The following EYS variants were observed in gnomAD, a reference collection of about 807,000 sequenced individuals.
EYS encodes the protein EGF-like photoreceptor maintenance factor.
In EYS, 250 loss-of-function variants were observed where a neutral mutation model predicts 282.1. That is an observed-to-expected ratio of 0.89 (90% CI 0.80 to 0.98). EYS has a LOEUF of 0.98. Ranked by LOEUF, EYS falls within the 50% of genes least tolerant of loss-of-function variation. The probability of loss-of-function intolerance (pLI) is 0.00; values close to 1 mark genes in which losing one functional copy is unlikely to be tolerated. For synonymous variants in EYS, 1,355 were observed against 1,282.9 expected, an observed-to-expected ratio of 1.06 and a Z score of -1.20; for missense variants, 4,016 against 3,709.0, an observed-to-expected ratio of 1.08 and a Z score of -2.15.
chr6:64,964,279 TACCATC>T (rs1044603852), intron 14 of EYS, among the ~76,000 whole-genome samples: 5 of 152,150 alleles, frequency 3.3e-5, no homozygotes, highest in Non-Finnish European at 7.4e-5. Flanking sequence ...AATCACTTTT[TACCATC>T]TGTCTGACTT....
rs186555144 is a variant in EYS, at chr6:65,419,763, A to C, written c.863-14396T>G. Among the ~76,000 whole-genome samples, 258 of 152,056 alleles carry C rather than the reference A, an allele frequency of 1.7e-3. 2 individuals are homozygous for C. Among genetic ancestry groups the C allele is most frequent in the African/African-American group, 6.0e-3 (248 of 41,524 alleles). On this transcript the variant is annotated intron_variant, in intron 5 of 42. Coordinates refer to ENST00000503581, the MANE Select transcript of EYS (RefSeq NM_001142800.2). The stretch of plus-strand genomic sequence containing the variant: ...TTTATACTAAGTTTTTGAAAACCAA[A>C]GTGGTAAAGTGCATACAGGCATATC...
chr6:65,617,211 TG>T (rs1200427958), intron 2 of EYS, among the ~76,000 whole-genome samples: 1 of 152,128 alleles, frequency 6.6e-6, no homozygotes, highest in Non-Finnish European at 1.5e-5. Context: ...AAAAAAATAT[TG>T]TTTCACCTCT....
At chr6:65,033,508 C>G (rs1772669542) in intron 13 of EYS, among the ~76,000 whole-genome samples, 1 of 152,134 alleles carries the variant, frequency 6.6e-6, no homozygotes, top group Non-Finnish European at 1.5e-5. Context: ...CATGTTCTGG[C>G]CTCTCTAGCT....
chr6:64,945,817 C>G lies in EYS; in HGVS notation c.2357G>C (p.Cys786Ser), dbSNP rs1769268250. ...KMNPCKNNSTCTDLYKSYRCE... is the reference protein window; with the variant it reads ...KMNPCKNNSTSTDLYKSYRCE... ...CCGATAGCTTTTGTAAAGGTCAGTA[C>G]AGGTGGAATTGTTCTTGCAAGGATT... is the stretch of plus-strand genomic sequence containing the variant. The change falls in exon 15 of 43, where the codon TGT becomes TCT. Residue 786 changes from cysteine to serine, a missense_variant. Coordinates refer to ENST00000503581, the MANE Select transcript of EYS (RefSeq NM_001142800.2). 1 of 1,549,716 alleles carries G rather than the reference C, an allele frequency of 6.5e-7. No individual in the cohort carries two copies. The highest frequency in any genetic ancestry group is 1.2e-5 in the South Asian group (1 of 83,998).
chr6:65,600,625 C>T (rs190689454), intron 2 of EYS, among the ~76,000 whole-genome samples: 67 of 152,076 alleles, frequency 4.4e-4, no homozygotes, highest in Admixed American at 5.3e-4. Flanking sequence ...TGGTAATTTA[C>T]GTGCATTTTG....
intron 7 of EYS, among the ~76,000 whole-genome samples, chr6:65,388,895 A>G (rs564456977): frequency 2.6e-5 from 4 of 152,212 alleles, no homozygotes; most frequent in Middle Eastern, 3.4e-3. Flanking sequence ...GTCAAAAACT[A>G]TAGAGCCAAT....
At chr6:65,330,557 G>A in intron 11 of EYS, 1 of 982,748 alleles carries the variant, frequency 1.0e-6, no homozygotes, top group South Asian at 4.7e-5. Context: ...GTAATATGCA[G>A]ACCTGTTTGC....
rs540313649 is a variant in EYS, at chr6:65,612,108, A to T, written c.-333+27670T>A. Among the ~76,000 whole-genome samples, 53 of 151,922 alleles carry T rather than the reference A, an allele frequency of 3.5e-4. 1 individual carries two copies. The highest frequency in any genetic ancestry group is 1.2e-3 in the African/African-American group (48 of 41,506). On this transcript the variant is annotated intron_variant, in intron 2 of 42. Coordinates refer to ENST00000503581, the MANE Select transcript of EYS (RefSeq NM_001142800.2). ...TAAAAATATATTAAATTATTTAGAC[A>T]TAGCCAGCATTTTAGACAGCTAACA...
chr6:65,213,714 C>T (rs979821130), intron 12 of EYS, among the ~76,000 whole-genome samples: 3 of 152,090 alleles, frequency 2.0e-5, no homozygotes, highest in African/African-American at 7.2e-5. Flanking sequence ...GTTTCTCTGC[C>T]TCTCCTCAGG....
At chr6:65,536,406 C>T (rs1032985669) in intron 2 of EYS, among the ~76,000 whole-genome samples, 3 of 151,220 alleles carry the variant, frequency 2.0e-5, no homozygotes, top group Admixed American at 1.3e-4. Flanking sequence ...CTAGGTGACA[C>T]CTTTATCAAA....
At position 64,396,465 on chromosome 6, in the gene EYS, A is replaced by C. The variant is rs142628849; in HGVS notation, c.5928-7625T>G. On this transcript the variant is annotated intron_variant, in intron 28 of 42. Transcript: ENST00000503581. ...TTAATAATCAGAAGTTTTTCATCTT[A>C]ATTTATACCAATTGATCAATCTTTT... Among the ~76,000 whole-genome samples, 1,216 of 152,108 alleles carry C rather than the reference A, an allele frequency of 8.0e-3. 8 individuals carry two copies. Among genetic ancestry groups the C allele is most frequent in the Non-Finnish European group, 0.012 (837 of 67,976 alleles).
chr6:64,411,329 C>T (rs961435082), intron 28 of EYS, among the ~76,000 whole-genome samples: 1 of 151,770 alleles, frequency 6.6e-6, no homozygotes, highest in African/African-American at 2.4e-5. Context: ...ACAAGCAGAA[C>T]ACAAATTATT....
rs528571919 is a variant in EYS at position 65,404,513 on chromosome 6, T to G, written c.1056+661A>C. ...AAGCATGTATTATTGCTCTTTGCCCTTGTATCTCCAAATATTTGGGTCTAG... is the reference window on the plus strand; with the variant it reads ...AAGCATGTATTATTGCTCTTTGCCCGTGTATCTCCAAATATTTGGGTCTAG... On this transcript the variant is annotated intron_variant, in intron 6 of 42. Transcript: ENST00000503581. 2.7e-4 allele frequency among the ~76,000 whole-genome samples: 41 copies of G among 152,202 alleles called. No individual in the cohort carries two copies. In the East Asian group the frequency reaches 7.5e-3, roughly 28 times the overall value.
chr6:63,801,750 G>A (rs917319908), intron 37 of EYS, among the ~76,000 whole-genome samples: 1 of 152,220 alleles, frequency 6.6e-6, no homozygotes, highest in African/African-American at 2.4e-5. Context: ...TGTTTGACAG[G>A]ATATTTCCAG....
chr6:64,781,462 A>G (rs1332439207), intron 22 of EYS, among the ~76,000 whole-genome samples: 1 of 152,040 alleles, frequency 6.6e-6, no homozygotes, highest in East Asian at 1.9e-4. Context: ...CTGTAATCCC[A>G]GCACTTTGGG....
At chr6:64,212,569 C>CTT (rs202074925) in intron 31 of EYS, among the ~76,000 whole-genome samples, 9 of 144,044 alleles carry the variant, frequency 6.2e-5, no homozygotes, top group East Asian at 2.0e-4. Context: ...AGATGGAGTA[C>CTT]TTTTTTTTTT....
intron 35 of EYS, among the ~76,000 whole-genome samples, chr6:63,884,553 A>T (rs1029042658): frequency 1.3e-5 from 2 of 152,140 alleles, no homozygotes; most frequent in Non-Finnish European, 2.9e-5. Context: ...TACTGTATGT[A>T]TGTTATCTTT....
intron 12 of EYS, among the ~76,000 whole-genome samples, chr6:65,098,761 C>T: frequency 6.6e-6 from 1 of 150,696 alleles, no homozygotes. Context: ...CATTTCACCC[C>T]TTAGGCTGAA....
At chr6:64,528,621 T>C (rs1030266183) in intron 26 of EYS, among the ~76,000 whole-genome samples, 4 of 152,132 alleles carry the variant, frequency 2.6e-5, no homozygotes. Flanking sequence ...CCATTACTTA[T>C]TTAGTACCAA....
Sources: gnomAD v4.1 joint callset for allele counts (sites outside exome capture counted in the v4.1 genomes callset) on GRCh38, gnomAD v4.1.1 for gene constraint, MANE v1.5 for transcripts, NCBI Gene and HGNC (gene_info 2026-07-23, HGNC 2026-07-21) for gene names.